The following C1QTNF7 variants were observed in gnomAD, a reference collection of about 807,000 sequenced individuals.
C1QTNF7 encodes C1q and TNF related 7.
In C1QTNF7, 15 loss-of-function variants were observed where a neutral mutation model predicts 19.6. The ratio of observed to expected loss-of-function variants is 0.76; its 90% confidence interval spans 0.51 to 1.18. The LOEUF is 1.18. Ranked by LOEUF, C1QTNF7 falls within the 50% of genes most tolerant of loss-of-function variation. C1QTNF7 has a pLI of 0.00. For synonymous variants in C1QTNF7, 142 were observed against 137.5 expected, an observed-to-expected ratio of 1.03 and a Z score of -0.23; for missense variants, 324 against 359.7, an observed-to-expected ratio of 0.90 and a Z score of 0.80.
At chr4:15,352,068 G>C (rs1239170415) in intron 1 of C1QTNF7, among the ~76,000 whole-genome samples, 1 of 152,112 alleles carries the variant, frequency 6.6e-6, no homozygotes, top group Non-Finnish European at 1.5e-5. Context: ...AGAATGATGA[G>C]AATATTTTGC....
intron 1 of C1QTNF7, among the ~76,000 whole-genome samples, chr4:15,370,201 T>G (rs1166926414): frequency 6.6e-6 from 1 of 152,094 alleles, no homozygotes; most frequent in Non-Finnish European, 1.5e-5. Flanking sequence ...TATAAATATT[T>G]CTAAATAAAA....
intron 1 of C1QTNF7, among the ~76,000 whole-genome samples, chr4:15,354,055 T>C (rs1370301433): frequency 6.6e-6 from 1 of 152,132 alleles, no homozygotes; most frequent in South Asian, 2.1e-4. Flanking sequence ...CCAAGGCTGC[T>C]GTGTGGAAGG....
Position 15,421,395 on chromosome 4 carries a change from C to T in C1QTNF7, c.14-14341C>T, listed in dbSNP as rs574553267. Among the ~76,000 whole-genome samples, 128 of 152,166 alleles carry T rather than the reference C, an allele frequency of 8.4e-4. 1 individual carries two copies. Among genetic ancestry groups the T allele is most frequent in the African/African-American group, 3.0e-3 (126 of 41,522 alleles). ...GGTTTTCAGGTGCAAACAAGAGGAG[C>T]ATAGAGAACCCAGGATAGTCAATGG... On this transcript the variant is annotated intron_variant, in intron 1 of 2. Coordinates refer to the C1QTNF7 transcript ENST00000295297.
At chr4:15,343,357 AC>A (rs1489812636) in intron 1 of C1QTNF7, among the ~76,000 whole-genome samples, 1 of 152,238 alleles carries the variant, frequency 6.6e-6, no homozygotes, top group East Asian at 1.9e-4. Context: ...ACTAATCTCC[AC>A]CAGTCACTTC....
At chr4:15,389,725 G>A (rs1718484486) in intron 1 of C1QTNF7, among the ~76,000 whole-genome samples, 1 of 152,128 alleles carries the variant, frequency 6.6e-6, no homozygotes. Flanking sequence ...AGCCCAAAAT[G>A]AGAAGTCTTG....
chr4:15,444,678 C>A lies in C1QTNF7; in HGVS notation c.*1879C>A, dbSNP rs1712927861. 1 of 152,126 alleles carries A rather than the reference C, an allele frequency of 6.6e-6. No homozygotes were observed. The highest frequency in any genetic ancestry group is 1.5e-5 in the Non-Finnish European group (1 of 68,046). The allele number at this position is 152,126 out of a possible 1,614,324, so 9.4% of individuals were successfully genotyped here. ...CTAGGCTGGAAATAAGGGCAAAATGCTGTGAAAGAAGAGGAAATGTTTACT... is the reference window on the plus strand; with the variant it reads ...CTAGGCTGGAAATAAGGGCAAAATGATGTGAAAGAAGAGGAAATGTTTACT... On this transcript the variant is annotated 3_prime_UTR_variant, in exon 3 of 3. Coordinates refer to ENST00000444304, the MANE Select transcript of C1QTNF7 (RefSeq NM_031911.5).
chr4:15,343,158 C>G (rs1716602419), intron 1 of C1QTNF7, among the ~76,000 whole-genome samples: 1 of 152,190 alleles, frequency 6.6e-6, no homozygotes. Context: ...TGTGCACCGA[C>G]TCCCGTGATC....
intron 1 of C1QTNF7, chr4:15,381,926 A>G (rs951630121): frequency 4.6e-5 from 7 of 152,324 alleles, no homozygotes; most frequent in Non-Finnish European, 8.8e-5. Flanking sequence ...GCTTCATCAC[A>G]TTATCTTAGC....
At chr4:15,403,083 G>T (rs1295904986) in intron 1 of C1QTNF7, among the ~76,000 whole-genome samples, 1 of 151,260 alleles carries the variant, frequency 6.6e-6, no homozygotes, top group African/African-American at 2.4e-5. Context: ...ACTCTCTACA[G>T]ATCATGTCAG....
At chr4:15,348,814 AGGAATTCCCATTTTCTTGCTGTGTG>A (rs1425559566) in intron 1 of C1QTNF7, among the ~76,000 whole-genome samples, 1 of 152,206 alleles carries the variant, frequency 6.6e-6, no homozygotes, top group Admixed American at 6.5e-5. Context: ...GAGACATAAA[AGGAATTCCCATTTTCTTGCTGTGTG>A]GGAAACCTCA....
At chr4:15,413,605 T>C (rs556729662) in intron 1 of C1QTNF7, among the ~76,000 whole-genome samples, 10 of 152,372 alleles carry the variant, frequency 6.6e-5, no homozygotes, top group Admixed American at 4.6e-4. Context: ...TGTTGAGCTC[T>C]TTACTGCTGT....
intron 1 of C1QTNF7, among the ~76,000 whole-genome samples, chr4:15,410,449 G>A (rs1719365229): frequency 6.6e-6 from 1 of 151,918 alleles, no homozygotes; most frequent in South Asian, 2.1e-4. Flanking sequence ...ACAGTATATT[G>A]TGAATATTTT....
At chr4:15,348,697 C>T (rs752506775) in intron 1 of C1QTNF7, among the ~76,000 whole-genome samples, 8 of 152,194 alleles carry the variant, frequency 5.3e-5, no homozygotes, top group Non-Finnish European at 8.8e-5. Flanking sequence ...TTCAAGAAAA[C>T]TCATACATCT....
chr4:15,362,476 C>T (rs1717377809), intron 1 of C1QTNF7: 1 of 152,158 alleles, frequency 6.6e-6, no homozygotes, highest in Non-Finnish European at 1.5e-5. Context: ...AGCATAACTC[C>T]ACTTACAAAA....
At chr4:15,352,962 C>A (rs1227716189) in intron 1 of C1QTNF7, among the ~76,000 whole-genome samples, 1 of 152,118 alleles carries the variant, frequency 6.6e-6, no homozygotes, top group Non-Finnish European at 1.5e-5. Context: ...GTATGTATGA[C>A]CCAGAGGGCT....
At chr4:15,394,011 C>T (rs1426079502) in intron 1 of C1QTNF7, among the ~76,000 whole-genome samples, 3 of 152,082 alleles carry the variant, frequency 2.0e-5, no homozygotes, top group African/African-American at 7.2e-5. Flanking sequence ...CAGGAGGGCT[C>T]TATTTCATAT....
chr4:15,440,456 G>C (rs1349367834), intron 2 of C1QTNF7, among the ~76,000 whole-genome samples: 1 of 147,190 alleles, frequency 6.8e-6, no homozygotes, highest in Non-Finnish European at 1.5e-5. Context: ...CGCCCGGGCT[G>C]ATGTGCAGTG....
chr4:15,407,796 G>A (rs1719245263), intron 1 of C1QTNF7, among the ~76,000 whole-genome samples: 1 of 152,088 alleles, frequency 6.6e-6, no homozygotes, highest in South Asian at 2.1e-4. Context: ...GTGTGGTGGT[G>A]GGTACCTGTA....
rs549133473 is a variant in C1QTNF7, at chr4:15,417,685, A to G, written c.14-18051A>G. Among the ~76,000 whole-genome samples the G allele has an allele frequency of 1.0e-3, 152 of 152,338 alleles. 1 individual carries two copies. The highest frequency in any genetic ancestry group is 3.5e-3 in the African/African-American group (145 of 41,592). On this transcript the variant is annotated intron_variant, in intron 1 of 2. Transcript: ENST00000295297. ...GGTAGGAGGATGGCTTTAGCCCAAG[A>G]GTTGAAGGCTGCAGTAAGCCATGAT...
Sources: allele counts gnomAD v4.1 joint callset (sites outside exome capture counted in the v4.1 genomes callset), GRCh38; gene constraint gnomAD v4.1.1; transcripts MANE v1.5; gene names NCBI Gene and HGNC (gene_info 2026-07-23, HGNC 2026-07-21).